Variants in STXBP6 observed in about 807,000 individuals in gnomAD.
The protein encoded by STXBP6 is syntaxin-binding protein 6.
In STXBP6, 21 loss-of-function variants were observed where a neutral mutation model predicts 26.9. The observed-to-expected ratio is 0.78, with a 90% CI of 0.55 to 1.12. STXBP6 has a LOEUF of 1.12. Among genes scored for constraint, STXBP6 ranks in the 50% most tolerant of loss-of-function variants. The pLI is 0.00. For missense variants in STXBP6, 232 were observed against 257.9 expected, an observed-to-expected ratio of 0.90 and a Z score of 0.69; for synonymous variants, 97 against 92.6, an observed-to-expected ratio of 1.05 and a Z score of -0.27.
chr14:24,952,788 G>A (rs556512952), intron 2 of STXBP6, among the ~76,000 whole-genome samples: 1 of 152,290 alleles, frequency 6.6e-6, no homozygotes, highest in Non-Finnish European at 1.5e-5. Context: ...ATTTAATGCT[G>A]TCCATAAATT....
Position 24,815,465 on chromosome 14 carries a change from TATAAC to T in STXBP6, c.610-2738_610-2734del, listed in dbSNP as rs1322713390. 6.0e-4 allele frequency among the ~76,000 whole-genome samples: 89 copies of T among 149,008 alleles called. 2 individuals are homozygous for T. The highest frequency in any genetic ancestry group is 1.5e-4 in the Non-Finnish European group (10 of 67,398). ...TGTATTTTATTTTTTATAATACTAT[TATAAC>T]ATAATAGTATTATTTTATAATAATA... is the stretch of plus-strand genomic sequence containing the variant. On this transcript the variant is annotated intron_variant, in intron 5 of 5. Coordinates refer to ENST00000323944, the MANE Select transcript of STXBP6 (RefSeq NM_001394410.1).
chr14:25,022,529 T>C lies in STXBP6; in HGVS notation c.-33+27349A>G, dbSNP rs543866846. Among the ~76,000 whole-genome samples the C allele has an allele frequency of 3.9e-5, 6 of 152,240 alleles. No individual in the cohort carries two copies. In the South Asian group the frequency reaches 6.2e-4, roughly 16 times the overall value. ...TTGATCTATAACACAAAGTCTGAGA[T>C]TGGAGGACAGAGAATTTCTCAAAAG... On this transcript the variant is annotated intron_variant, in intron 1 of 5. Transcript: ENST00000323944.
At chr14:24,904,462 C>T (rs902754828) in intron 2 of STXBP6, among the ~76,000 whole-genome samples, 24 of 152,056 alleles carry the variant, frequency 1.6e-4, no homozygotes, top group Non-Finnish European at 1.9e-4. Flanking sequence ...ATTACTTTTG[C>T]GCCAACCTAA....
intron 1 of STXBP6, among the ~76,000 whole-genome samples, chr14:24,975,984 A>C (rs1190495322): frequency 2.0e-5 from 3 of 152,250 alleles, no homozygotes. Flanking sequence ...AGTATCAGAG[A>C]TCCCGCATAT....
At chr14:24,969,208 T>A (rs1336957126) in intron 2 of STXBP6, among the ~76,000 whole-genome samples, 3 of 152,242 alleles carry the variant, frequency 2.0e-5, no homozygotes, top group Non-Finnish European at 4.4e-5. Context: ...GATTAAGATT[T>A]TCTGTTTCAA....
intron 2 of STXBP6, among the ~76,000 whole-genome samples, chr14:24,949,973 G>C (rs2073109112): frequency 6.6e-6 from 1 of 152,120 alleles, no homozygotes; most frequent in South Asian, 2.1e-4. Flanking sequence ...AATGTTATCT[G>C]ACCATGTGGC....
Position 25,039,285 on chromosome 14 carries a change from A to C in STXBP6, c.-33+10593T>G, listed in dbSNP as rs149752364. Among the ~76,000 whole-genome samples, 20 of 152,338 alleles carry C rather than the reference A, an allele frequency of 1.3e-4. No individual in the cohort carries two copies. In the East Asian group the frequency reaches 3.7e-3, roughly 28 times the overall value. On this transcript the variant is annotated intron_variant, in intron 1 of 5. Coordinates refer to ENST00000323944, the MANE Select transcript of STXBP6 (RefSeq NM_001394410.1). ...AGTTTTCATTTCAACTCAAACAGGA[A>C]GTTATTATAAGTCTTGTAGTTCTAT...
At chr14:25,004,101 T>G (rs530594138) in intron 1 of STXBP6, among the ~76,000 whole-genome samples, 1 of 152,048 alleles carries the variant, frequency 6.6e-6, no homozygotes, top group Non-Finnish European at 1.5e-5. Context: ...CGAATGTGAG[T>G]GATCGTGCAA....
chr14:24,950,239 T>A (rs1028743671), intron 2 of STXBP6, among the ~76,000 whole-genome samples: 2 of 100,240 alleles, frequency 2.0e-5, no homozygotes, highest in Non-Finnish European at 4.1e-5. Flanking sequence ...CTGGTGAGAG[T>A]GTAAATTGGT....
At chr14:24,930,968 G>A (rs570449680) in intron 2 of STXBP6, among the ~76,000 whole-genome samples, 11 of 144,968 alleles carry the variant, frequency 7.6e-5, no homozygotes, top group Non-Finnish European at 1.1e-4. Context: ...AAAATTAGCC[G>A]GGCGCGGTGG....
At chr14:24,975,898 T>G (rs1310471322) in intron 1 of STXBP6, among the ~76,000 whole-genome samples, 2 of 152,212 alleles carry the variant, frequency 1.3e-5, no homozygotes, top group African/African-American at 4.8e-5. Flanking sequence ...GCCCTAATAA[T>G]GAATAGATAT....
At chr14:24,849,836 C>G (rs1184230872) in intron 4 of STXBP6, among the ~76,000 whole-genome samples, 2 of 152,078 alleles carry the variant, frequency 1.3e-5, no homozygotes, top group African/African-American at 4.8e-5. Flanking sequence ...ATTATAATCT[C>G]TAATATGTGT....
intron 1 of STXBP6, among the ~76,000 whole-genome samples, chr14:25,029,967 C>T (rs1566573845): frequency 6.6e-6 from 1 of 152,158 alleles, no homozygotes; most frequent in Non-Finnish European, 1.5e-5. Context: ...TGAGTCCTCA[C>T]GGTATGCAAG....
Position 25,039,693 on chromosome 14 carries a change from A to G in STXBP6, c.-33+10185T>C, listed in dbSNP as rs2075611375. Among the ~76,000 whole-genome samples the G allele has an allele frequency of 2.7e-5, 4 of 150,892 alleles. No individual in the cohort carries two copies. In the South Asian group the frequency reaches 8.4e-4, roughly 32 times the overall value. On this transcript the variant is annotated intron_variant, in intron 1 of 5. Transcript: ENST00000323944. ...CCAAGACCCACCCCAGACCCAGTGAATCAGAATCTGCATCCTTTTTTTTTT... is the reference window on the plus strand; with the variant it reads ...CCAAGACCCACCCCAGACCCAGTGAGTCAGAATCTGCATCCTTTTTTTTTT...
intron 1 of STXBP6, among the ~76,000 whole-genome samples, chr14:25,031,673 G>T (rs2075457569): frequency 6.6e-6 from 1 of 151,044 alleles, no homozygotes; most frequent in African/African-American, 2.4e-5. Flanking sequence ...AAAATGAGTG[G>T]TAATAAATAT....
At chr14:24,813,945 T>C (rs2067895689) in intron 5 of STXBP6, among the ~76,000 whole-genome samples, 1 of 152,222 alleles carries the variant, frequency 6.6e-6, no homozygotes, top group Non-Finnish European at 1.5e-5. Context: ...TTGCATGTGA[T>C]AGAGGGACCT....
intron 2 of STXBP6, among the ~76,000 whole-genome samples, chr14:24,928,559 C>T (rs1238457253): frequency 6.6e-6 from 1 of 152,138 alleles, no homozygotes; most frequent in Non-Finnish European, 1.5e-5. Flanking sequence ...AATTGGATAA[C>T]CTACCCAGCT....
intron 2 of STXBP6, among the ~76,000 whole-genome samples, chr14:24,928,638 AAC>A (rs2072270038): frequency 6.6e-6 from 1 of 152,202 alleles, no homozygotes; most frequent in African/African-American, 2.4e-5. Flanking sequence ...AGAAGCAAGA[AAC>A]ACAGAGCCGA....
chr14:24,907,430 C>T (rs2071422093), intron 2 of STXBP6, among the ~76,000 whole-genome samples: 1 of 152,080 alleles, frequency 6.6e-6, no homozygotes, highest in African/African-American at 2.4e-5. Flanking sequence ...TATTAAAGTA[C>T]ACAGTTGTCT....
Sources: allele counts gnomAD v4.1 joint callset (sites outside exome capture counted in the v4.1 genomes callset), GRCh38; gene constraint gnomAD v4.1.1; transcripts MANE v1.5; gene names NCBI Gene and HGNC (gene_info 2026-07-23, HGNC 2026-07-21).